The following MAPK8IP2 variants were observed in gnomAD, a reference collection of about 807,000 sequenced individuals.
MAPK8IP2 encodes the protein mitogen-activated protein kinase 8 interacting protein 2.
MAPK8IP2 carries 15 observed loss-of-function variants against 75.6 expected under a neutral mutation model. The ratio of observed to expected loss-of-function variants is 0.20; its 90% CI spans 0.13 to 0.31. MAPK8IP2 has a LOEUF of 0.31. MAPK8IP2 is among the 10% of genes least tolerant of loss of function. The pLI, the probability that MAPK8IP2 is intolerant of heterozygous loss-of-function variation, is 1.00. For missense variants in MAPK8IP2, 1,089 were observed against 1,211.2 expected, an observed-to-expected ratio of 0.90 and a Z score of 1.50; for synonymous variants, 632 against 554.5, an observed-to-expected ratio of 1.14 and a Z score of -1.96.
At chr22:50,603,168 C>T in intron 2 of MAPK8IP2, 55 bp from the exon 3 acceptor site, 2 of 1,611,160 alleles carry the variant, frequency 1.2e-6, no homozygotes, top group Non-Finnish European at 1.7e-6. Flanking sequence ...GCACCTGGGC[C>T]CCTGGGCTAC....
chr22:50,603,447 G>T lies in MAPK8IP2; in HGVS notation c.396G>T (p.Glu132Asp). 10 of 1,568,894 alleles carry T rather than the reference G, an allele frequency of 6.4e-6. No individual in the cohort carries two copies. The highest frequency in any genetic ancestry group is 8.7e-6 in the Non-Finnish European group (10 of 1,155,218). Reference sequence around the variant, plus strand: ...TTATCCCCTCCCCTTCCGTGGAGGAGCCCCACAAGCACCGGCCCACCACCC... The same window carrying T: ...TTATCCCCTCCCCTTCCGTGGAGGATCCCCACAAGCACCGGCCCACCACCC... Reference protein sequence around the residue: ...GPLIPSPSVEEPHKHRPTTLR... With the variant: ...GPLIPSPSVEDPHKHRPTTLR... Residue 132 changes from glutamate to aspartate, a missense_variant, in exon 3 of 12, where the codon GAG (glutamate) becomes GAT (aspartate). By Grantham distance (45) the Glu-to-Asp change is conservative (BLOSUM62 2). This residue lies in a region of MAPK8IP2 where 960 missense variants were observed against 1,009.6 expected (regional missense o/e 0.95). Coordinates refer to ENST00000329492, the MANE Select transcript of MAPK8IP2 (RefSeq NM_012324.6).
In MAPK8IP2 at chr22:50,604,529, C is replaced by G; in HGVS notation, c.1230C>G (p.Asp410Glu). ...GGCCCGGCGGCGTGGAGCTGGTGGA[C>G]ATGGAGACGCTGTGCGCGCCGCCGC... ...AAGPGGVELV[D>E]METLCAPPPP... Residue 410 changes from aspartate to glutamate, a missense_variant, in exon 5 of 12, where the codon GAC (aspartate) becomes GAG (glutamate). Asp to Glu is a conservative substitution (Grantham distance 45). Transcript: ENST00000329492. 1 of 1,188,034 alleles carries G rather than the reference C, an allele frequency of 8.4e-7. No homozygotes were observed. The highest frequency in any genetic ancestry group is 1.0e-6 in the Non-Finnish European group (1 of 963,236). 73.6% of individuals were successfully genotyped at this position (1,188,034 alleles called of 1,614,324 possible). A position where few individuals can be genotyped will look rare whatever the true frequency, so the allele number is the denominator to read the frequency against.
chr22:50,605,048 C>A lies in MAPK8IP2; in HGVS notation c.1749C>A (p.Ser583Arg). ...AGTTCCTCAATGTCTTCGTCAACAG[C>A]ACATCTCGGTCCTCCAGTGAGTGAG... ...SKKFLNVFVN[S>R]TSRSSSTESF... Residue 583 changes from serine to arginine, a missense_variant, in exon 5 of 12, where the codon AGC (serine) becomes AGA (arginine). Transcript: ENST00000329492. 6.2e-7 allele frequency: 1 copy of A among 1,612,582 alleles called. No homozygotes were observed. The highest frequency in any genetic ancestry group is 8.5e-7 in the Non-Finnish European group (1 of 1,179,862).
Position 50,604,198 on chromosome 22 carries a change from C to T in MAPK8IP2, c.899C>T (p.Ala300Val). The T allele has an allele frequency of 6.5e-7, 1 of 1,544,262 alleles. No individual in the cohort carries two copies. Among genetic ancestry groups the T allele is most frequent in the Non-Finnish European group, 8.7e-7 (1 of 1,152,634 alleles). The change falls in exon 5 of 12, where the codon GCC (alanine) becomes GTC (valine). Residue 300 changes from alanine to valine, a missense_variant. Ala to Val is a moderately conservative substitution (Grantham distance 64). Transcript: ENST00000329492. ...CACCTCACCAACTCCATCGAGGAGGCCTCGTCGCCCGCCTCGGAGCCGGAG... is the reference window on the plus strand; with the variant it reads ...CACCTCACCAACTCCATCGAGGAGGTCTCGTCGCCCGCCTCGGAGCCGGAG... ...SSHLTNSIEE[A>V]SSPASEPEPP...
chr22:50,611,016 G>C lies in MAPK8IP2; in HGVS notation c.*237G>C. The C allele has an allele frequency of 5.8e-6, 3 of 514,256 alleles. No individual in the cohort carries two copies. The highest frequency in any genetic ancestry group is 7.0e-5 in the Admixed American group (2 of 28,724). 31.9% of individuals were successfully genotyped at this position (514,256 alleles called of 1,614,324 possible). A position where few individuals can be genotyped will look rare whatever the true frequency, so the allele number is the denominator to read the frequency against. ...TTCCTCAGATCCGTTCTTTCTCTGT[G>C]TTGTCCTCCTCCTTCCCTTCCCAGT... On this transcript the variant is annotated 3_prime_UTR_variant, in exon 12 of 12. Transcript: ENST00000329492. The surrounding 1 kb of genome is among the most constrained non-coding windows in gnomAD (Gnocchi z 5.5).
rs747841808 is a variant in MAPK8IP2, at chr22:50,604,238, C to T, written c.939C>T (p.Pro313=). 5 of 1,562,948 alleles carry T rather than the reference C, an allele frequency of 3.2e-6. No individual in the cohort carries two copies. The South Asian group carries it at 3.5e-5, about 11-fold the overall frequency. The change falls in exon 5 of 12, where the codon CCC becomes CCT. Residue 313 remains proline (P), a synonymous_variant. Coordinates refer to ENST00000329492, the MANE Select transcript of MAPK8IP2 (RefSeq NM_012324.6). ...CGGAGCCGGAGCCCCCGCGCGAACCCCCGCGCCGCCCCGCCTTCCTGCCCG... is the reference window on the plus strand; with the variant it reads ...CGGAGCCGGAGCCCCCGCGCGAACCTCCGCGCCGCCCCGCCTTCCTGCCCG... ...PASEPEPPRE[P]PRRPAFLPVG... is the part of the protein sequence containing the mutation.
At chr22:50,606,604 G>T in intron 8 of MAPK8IP2, 54 bp from the exon 9 acceptor site, 2 of 1,284,580 alleles carry the variant, frequency 1.6e-6, no homozygotes, top group East Asian at 2.5e-5. Context: ...CAAGGGGAAA[G>T]AAAGGCCCTT....
chr22:50,607,056 CCT>C lies in MAPK8IP2; in HGVS notation c.2303+66_2303+67del, dbSNP rs1312742116. 5.6e-5 allele frequency: 72 copies of C among 1,291,964 alleles called. No homozygotes were observed. The highest frequency in any genetic ancestry group is 9.3e-5 in the East Asian group (4 of 43,166). The allele number at this position is 1,291,964 out of a possible 1,614,324, so 80.0% of individuals were successfully genotyped here. On this transcript the variant is annotated intron_variant, in intron 10 of 11. Coordinates refer to ENST00000329492, the MANE Select transcript of MAPK8IP2 (RefSeq NM_012324.6). The surrounding 1 kb of genome is among the most constrained non-coding windows in gnomAD (Gnocchi z 5.6). ...ACAAACCCTGAGAGTCCAACCGCCC[CCT>C]GAGTCCCCACAGACCCTGAGGGCTG...
intron 10 of MAPK8IP2, among the ~76,000 whole-genome samples, chr22:50,608,206 T>G (rs558227259): frequency 5.5e-4 from 83 of 152,268 alleles, no homozygotes; most frequent in African/African-American, 1.9e-3. Flanking sequence ...CCCCGCCGAG[T>G]GCAGAGATGG....
intron 2 of MAPK8IP2, among the ~76,000 whole-genome samples, chr22:50,602,693 A>G (rs1029071251): frequency 2.6e-5 from 4 of 152,168 alleles, no homozygotes; most frequent in Non-Finnish European, 4.4e-5. Context: ...AACTGTGCCA[A>G]TGGCCCTGGG....
chr22:50,610,890 C>T lies in MAPK8IP2; in HGVS notation c.*111C>T, dbSNP rs1335074432. ...AGGACTGGATTGGGGGGACATGGGA[C>T]CTTACGCTTGTGGGGGTCTGCGGGC... On this transcript the variant is annotated 3_prime_UTR_variant, in exon 12 of 12. Transcript: ENST00000329492. The surrounding 1 kb of genome is among the most constrained non-coding windows in gnomAD (Gnocchi z 4.3). The T allele has an allele frequency of 1.1e-6, 1 of 933,762 alleles. No individual in the cohort carries two copies. The highest frequency in any genetic ancestry group is 2.7e-5 in the East Asian group (1 of 36,566). The allele number at this position is 933,762 out of a possible 1,614,324, so 57.8% of individuals were successfully genotyped here.
Position 50,604,865 on chromosome 22 carries a change from G to C in MAPK8IP2, c.1566G>C (p.Glu522Asp). ...TGGTGGATGAGCACACGCAGCTGGA[G>C]CTGGTGAGCCTGCGGCGCTGTGCTG... is the stretch of plus-strand genomic sequence containing the variant. ...TLVVDEHTQL[E>D]LVSLRRCAGL... is the part of the protein sequence containing the mutation. The change falls in exon 5 of 12, where the codon GAG becomes GAC. Residue 522 changes from glutamate to aspartate, a missense_variant. Coordinates refer to ENST00000329492, the MANE Select transcript of MAPK8IP2 (RefSeq NM_012324.6). The C allele has an allele frequency of 1.9e-6, 3 of 1,601,712 alleles. No homozygotes were observed. The highest frequency in any genetic ancestry group is 2.6e-6 in the Non-Finnish European group (3 of 1,175,622).
chr22:50,608,507 G>A (rs2071088986), intron 10 of MAPK8IP2, among the ~76,000 whole-genome samples: 1 of 144,060 alleles, frequency 6.9e-6, no homozygotes, highest in Non-Finnish European at 1.5e-5. Flanking sequence ...CAGGGGCGCA[G>A]ACCAGACAGC....
rs1323969420 is a variant in MAPK8IP2 at position 50,608,481 on chromosome 22, G to A, written c.2303+1490G>A. 7.4e-4 allele frequency among the ~76,000 whole-genome samples: 98 copies of A among 131,890 alleles called. No homozygotes were observed. The East Asian group carries it at 0.019, about 25-fold the overall frequency. The allele number at this position is 131,890 out of a possible 152,430, so 86.5% of individuals were successfully genotyped here. ...ACAGCAGGGACAGCTCTGGGGTGGA[G>A]AGGTGGGACAGCGGGCAGGGGCGCA... is the stretch of plus-strand genomic sequence containing the variant. On this transcript the variant is annotated intron_variant, in intron 10 of 11. Coordinates refer to ENST00000329492, the MANE Select transcript of MAPK8IP2 (RefSeq NM_012324.6).
rs1037331494 is a variant in MAPK8IP2, at chr22:50,611,451, G to A, written c.*672G>A. 2 of 152,288 alleles carry A rather than the reference G, an allele frequency of 1.3e-5. No homozygotes were observed. The highest frequency in any genetic ancestry group is 4.8e-5 in the African/African-American group (2 of 41,452). 9.4% of individuals were successfully genotyped at this position (152,288 alleles called of 1,614,324 possible). A position where few individuals can be genotyped will look rare whatever the true frequency, so the allele number is the denominator to read the frequency against. On this transcript the variant is annotated 3_prime_UTR_variant, in exon 12 of 12. Transcript: ENST00000329492. This position sits in a 1 kb window ranked among gnomAD's most constrained non-coding sequence, Gnocchi z 5.5. ...AATACCCCTCCGCTTGCCGCTGCTA[G>A]CGCACCCCTGCAGTCCAGCGTGCAT...
intron 10 of MAPK8IP2, chr22:50,609,972 A>AC (rs1569068670): frequency 1.4e-6 from 1 of 691,830 alleles, no homozygotes; most frequent in Admixed American, 1.8e-5. Flanking sequence ...GGGAGAGTGG[A>AC]CGCCCCTGGT....
chr22:50,604,279 C>T lies in MAPK8IP2; in HGVS notation c.980C>T (p.Thr327Ile). ...TTCCTGCCCGTGGGCCCCGACGACACCAACAGCGAGTACGAGTCGGGGTCG... is the reference window on the plus strand; with the variant it reads ...TTCCTGCCCGTGGGCCCCGACGACATCAACAGCGAGTACGAGTCGGGGTCG... ...PAFLPVGPDD[T>I]NSEYESGSES... is the part of the protein sequence containing the mutation. The change falls in exon 5 of 12, where the codon ACC (threonine) becomes ATC (isoleucine). Residue 327 changes from threonine (T) to isoleucine (I), a missense_variant. Around this residue, in one of 2 missense-constraint regions of MAPK8IP2, gnomAD observed 960 missense variants for 1,009.6 expected, o/e 0.95. Transcript: ENST00000329492. 6.4e-7 allele frequency: 1 copy of T among 1,570,086 alleles called. No individual in the cohort carries two copies. The highest frequency in any genetic ancestry group is 1.1e-5 in the South Asian group (1 of 87,236).
rs2071141408 is a variant in MAPK8IP2 at position 50,611,031 on chromosome 22, C to T, written c.*252C>T. On this transcript the variant is annotated 3_prime_UTR_variant, in exon 12 of 12. Transcript: ENST00000329492. The surrounding 1 kb of genome is among the most constrained non-coding windows in gnomAD (Gnocchi z 5.5). ...CTTTCTCTGTGTTGTCCTCCTCCTT[C>T]CCTTCCCAGTCTCCCTTTTCTCTCT... 2 of 475,186 alleles carry T rather than the reference C, an allele frequency of 4.2e-6. No homozygotes were observed. Among genetic ancestry groups the T allele is most frequent in the Non-Finnish European group, 3.8e-6 (1 of 265,934 alleles). 29.4% of individuals were successfully genotyped at this position (475,186 alleles called of 1,614,324 possible). A position where few individuals can be genotyped will look rare whatever the true frequency, so the allele number is the denominator to read the frequency against.
Position 50,604,874 on chromosome 22 carries a change from C to T in MAPK8IP2, c.1575C>T (p.Ser525=), listed in dbSNP as rs747591498. ...VDEHTQLELV[S]LRRCAGLGHD... is the part of the protein sequence containing the mutation. Reference sequence around the variant, plus strand: ...AGCACACGCAGCTGGAGCTGGTGAGCCTGCGGCGCTGTGCTGGGCTGGGCC... The same window carrying T: ...AGCACACGCAGCTGGAGCTGGTGAGTCTGCGGCGCTGTGCTGGGCTGGGCC... The change falls in exon 5 of 12, where the codon AGC becomes AGT. Residue 525 remains serine (S), a synonymous_variant. Transcript: ENST00000329492. The T allele has an allele frequency of 1.2e-6, 2 of 1,604,836 alleles. No individual in the cohort carries two copies. Among genetic ancestry groups the T allele is most frequent in the Admixed American group, 3.4e-5 (2 of 58,834 alleles).
Sources: gnomAD v4.1 joint callset for allele counts (sites outside exome capture counted in the v4.1 genomes callset) on GRCh38, gnomAD v4.1.1 for gene constraint, gnomAD v4.1.1 regional missense constraint, Gnocchi (gnomAD v3.1) non-coding constraint, MANE v1.5 for transcripts, NCBI Gene and HGNC (gene_info 2026-07-23, HGNC 2026-07-21) for gene names.